The following ATOX1 variants were observed in gnomAD, a reference collection of about 807,000 sequenced individuals.
ATOX1 encodes the protein copper transport protein ATOX1.
ATOX1 carries 4 observed loss-of-function variants against 7.3 expected under a neutral mutation model. That is an observed-to-expected ratio of 0.55 (90% CI 0.27 to 1.25). ATOX1 has a LOEUF of 1.25. ATOX1 is among the 50% of genes most tolerant of loss of function. The pLI is 0.12. For missense variants in ATOX1, 68 were observed against 81.6 expected (o/e 0.83, Z 0.64); for synonymous variants, 25 against 28.7 (o/e 0.87, Z 0.41).
rs767121962 is a variant in ATOX1 at position 151,758,546 on chromosome 5, C to G, written c.6G>C (p.Pro2=). The G allele has an allele frequency of 1.4e-6, 2 of 1,449,680 alleles. No individual in the cohort carries two copies. Among genetic ancestry groups the G allele is most frequent in the Admixed American group, 5.2e-5 (2 of 38,352 alleles). The allele number at this position is 1,449,680 out of a possible 1,614,324, so 89.8% of individuals were successfully genotyped here. Residue 2 remains proline (P), a splice_region_variant and synonymous_variant, in exon 1 of 4, where the codon CCG becomes CCC. Coordinates refer to ENST00000313115, the MANE Select transcript of ATOX1 (RefSeq NM_004045.4). ...TGGCGGGGACGGCGCAACCACTCAC[C>G]GGCATGACTGAGGCAGCGGCGGTGT... is the stretch of plus-strand genomic sequence containing the variant. The part of the protein sequence containing the change: M[P]KHEFSVDMTC...
intron 3 of ATOX1, chr5:151,743,383 A>C (rs1198500648): frequency 3.3e-5 from 5 of 151,884 alleles, no homozygotes; most frequent in Admixed American, 1.3e-4. Context: ...ACCAATAAAC[A>C]CTCTATCTTT....
In ATOX1 at chr5:151,758,600, C is replaced by CGCCTCTCTG; in HGVS notation, c.-58_-50dup. On this transcript the variant is annotated 5_prime_UTR_variant, in exon 1 of 4. Transcript: ENST00000313115. ...GGCGGTGTGGCGGCGGTGTCAGCAG[C>CGCCTCTCTG]GCCTCTCTGGATTCGGAGGGCGGGT... The CGCCTCTCTG allele has an allele frequency of 3.6e-6, 5 of 1,386,484 alleles. No homozygotes were observed. The highest frequency in any genetic ancestry group is 4.7e-6 in the Non-Finnish European group (5 of 1,062,726). 85.9% of individuals were successfully genotyped at this position (1,386,484 alleles called of 1,614,324 possible).
intron 3 of ATOX1, 133 bp downstream of exon 3, chr5:151,746,143 AAAG>A (rs1156376434): frequency 3.0e-5 from 22 of 730,480 alleles, no homozygotes; most frequent in Non-Finnish European, 4.1e-5. Context: ...TAACCACTCC[AAAG>A]AAGGTGGACA....
chr5:151,752,559 A>G, intron 1 of ATOX1: 1 of 533,784 alleles, frequency 1.9e-6, no homozygotes, highest in Non-Finnish European at 3.3e-6. Flanking sequence ...GCCTGGACAG[A>G]GTAGGTGCTT....
rs369068930 is a variant in ATOX1, at chr5:151,752,894, G to C, written c.7-1115C>G. Among the ~76,000 whole-genome samples, 26 of 152,188 alleles carry C rather than the reference G, an allele frequency of 1.7e-4. No homozygotes were observed. The South Asian group carries it at 3.7e-3, about 22-fold the overall frequency. On this transcript the variant is annotated intron_variant, in intron 1 of 3. Transcript: ENST00000313115. ...ATCCAAGATGGCCTCAATGATCTCTGCCTCTGGTATTTATGCCCTTGAGTA... is the reference window on the plus strand; with the variant it reads ...ATCCAAGATGGCCTCAATGATCTCTCCCTCTGGTATTTATGCCCTTGAGTA...
intron 1 of ATOX1, among the ~76,000 whole-genome samples, chr5:151,753,334 T>G (rs1427556980): frequency 6.6e-6 from 1 of 152,224 alleles, no homozygotes; most frequent in Non-Finnish European, 1.5e-5. Context: ...ATATATTTGT[T>G]GTTTTATACT....
intron 2 of ATOX1, among the ~76,000 whole-genome samples, chr5:151,747,429 G>A (rs914553620): frequency 2.6e-5 from 4 of 151,450 alleles, no homozygotes; most frequent in African/African-American, 9.7e-5. Context: ...GTGACTACAG[G>A]CACATGCCAC....
At chr5:151,749,963 G>C (rs976220724) in intron 2 of ATOX1, among the ~76,000 whole-genome samples, 3 of 152,256 alleles carry the variant, frequency 2.0e-5, no homozygotes, top group Non-Finnish European at 4.4e-5. Context: ...GTACAGCTCA[G>C]AGGACTGCTA....
At chr5:151,745,167 A>G (rs1761865993) in intron 3 of ATOX1, 1 of 152,190 alleles carries the variant, frequency 6.6e-6, no homozygotes, top group South Asian at 2.1e-4. Flanking sequence ...TTCCAAATGT[A>G]TGCCTTTGGG....
intron 2 of ATOX1, among the ~76,000 whole-genome samples, chr5:151,750,557 T>A (rs915813837): frequency 2.0e-5 from 3 of 150,616 alleles, no homozygotes; most frequent in African/African-American, 7.3e-5. Flanking sequence ...AAAATTAATT[T>A]AAATTTTTTT....
At chr5:151,746,179 G>T in intron 3 of ATOX1, 100 bp downstream of exon 3, 1 of 1,093,372 alleles carries the variant, frequency 9.1e-7, no homozygotes, top group South Asian at 1.7e-5. Flanking sequence ...GAACCCAGAG[G>T]GCTCTCCCGC....
intron 2 of ATOX1, among the ~76,000 whole-genome samples, chr5:151,747,144 C>T (rs1044939076): frequency 6.6e-6 from 1 of 151,792 alleles, no homozygotes; most frequent in African/African-American, 2.4e-5. Context: ...CTGATCCTGC[C>T]CCTAGAGATC....
At chr5:151,748,562 C>G (rs1761906263) in intron 2 of ATOX1, among the ~76,000 whole-genome samples, 2 of 152,084 alleles carry the variant, frequency 1.3e-5, no homozygotes, top group Non-Finnish European at 2.9e-5. Context: ...AGCAAGGGGC[C>G]TTAAAAATCA....
intron 1 of ATOX1, chr5:151,752,029 G>A (rs1761957339): frequency 3.3e-6 from 2 of 597,678 alleles, no homozygotes; most frequent in Non-Finnish European, 5.9e-6. Context: ...CTGGCACATA[G>A]TAAATAGAAT....
chr5:151,758,566 C>T lies in ATOX1; in HGVS notation c.-15G>A. On this transcript the variant is annotated 5_prime_UTR_variant, in exon 1 of 4. Transcript: ENST00000313115. ...CTCACCGGCATGACTGAGGCAGCGG[C>T]GGTGTGGCGGCGGTGTGGCGGCGGT... is the stretch of plus-strand genomic sequence containing the variant. The T allele has an allele frequency of 7.1e-7, 1 of 1,415,230 alleles. No homozygotes were observed. Among genetic ancestry groups the T allele is most frequent in the Non-Finnish European group, 9.3e-7 (1 of 1,078,306 alleles). The allele number at this position is 1,415,230 out of a possible 1,614,324, so 87.7% of individuals were successfully genotyped here.
chr5:151,754,972 A>G (rs1709015574), intron 1 of ATOX1, among the ~76,000 whole-genome samples: 1 of 144,696 alleles, frequency 6.9e-6, no homozygotes, highest in Non-Finnish European at 1.5e-5. Context: ...AGAGAGCGAG[A>G]CACCGTCCAA....
At position 151,749,593 on chromosome 5, in the gene ATOX1, G is replaced by A. The variant is rs1487590349; in HGVS notation, c.82+2111C>T. ...TTGAACCCGGGGCAGAGTGGAGCAGGTTGCAGTGAGCAGAGATCATGCCAC... is the reference window on the plus strand; with the variant it reads ...TTGAACCCGGGGCAGAGTGGAGCAGATTGCAGTGAGCAGAGATCATGCCAC... On this transcript the variant is annotated intron_variant, in intron 2 of 3. Coordinates refer to ENST00000313115, the MANE Select transcript of ATOX1 (RefSeq NM_004045.4). Among the ~76,000 whole-genome samples the A allele has an allele frequency of 2.7e-5, 4 of 150,242 alleles. No homozygotes were observed. The East Asian group carries it at 5.8e-4, about 22-fold the overall frequency.
At position 151,752,327 on chromosome 5, in the gene ATOX1, C is replaced by T. The variant is rs879578789; in HGVS notation, c.7-548G>A. The T allele has an allele frequency of 1.7e-5, 12 of 702,400 alleles. No homozygotes were observed. The African/African-American group carries it at 1.9e-4, about 11-fold the overall frequency. The allele number at this position is 702,400 out of a possible 1,614,324, so 43.5% of individuals were successfully genotyped here. ...TGATTCTGCTTTCATCCAAGGGCCG[C>T]ATTCTCAGAGGCAGCATCTGGGTCC... On this transcript the variant is annotated intron_variant, in intron 1 of 3. Transcript: ENST00000313115.
chr5:151,753,772 T>C (rs1761979608), intron 1 of ATOX1: 1 of 152,200 alleles, frequency 6.6e-6, no homozygotes, highest in South Asian at 2.1e-4. Flanking sequence ...CCACTCCCCA[T>C]TTTTAACCTA....
Sources: allele counts gnomAD v4.1 joint callset (sites outside exome capture counted in the v4.1 genomes callset), GRCh38; gene constraint gnomAD v4.1.1; transcripts MANE v1.5; gene names NCBI Gene and HGNC (gene_info 2026-07-23, HGNC 2026-07-21).